Variants in THOC2 observed in about 807,000 individuals in gnomAD.
THOC2 encodes the protein THO complex subunit 2.
In THOC2, 10 loss-of-function variants were observed where a neutral mutation model predicts 128.4. That is an observed-to-expected ratio of 0.08 (90% CI 0.05 to 0.13). The LOEUF is 0.13. Ranked by LOEUF, THOC2 falls within the 10% of genes least tolerant of loss-of-function variation. The pLI is 1.00. For synonymous variants in THOC2, 393 were observed against 396.9 expected (o/e 0.99, Z 0.12); for missense variants, 535 against 1,155.7 (o/e 0.46, Z 7.79).
Position 123,690,989 on chromosome X carries a change from A to G in THOC2, c.602-4275T>C, listed in dbSNP as rs192392065. The stretch of plus-strand genomic sequence containing the variant: ...CAATTTAGGAGGCCAAGGCAGGTAG[A>G]TAGCTTGAGCTCAGGAGTTCGAGAC... On this transcript the variant is annotated intron_variant, in intron 7 of 38. Transcript: ENST00000245838. 4.2e-3 allele frequency among the ~76,000 whole-genome samples: 477 copies of G among 112,247 alleles called. 2 individuals carry two copies. Among genetic ancestry groups the G allele is most frequent in the African/African-American group, 0.015 (452 of 30,914 alleles).
At chrX:123,714,818 A>G (rs1255606123) in intron 1 of THOC2, among the ~76,000 whole-genome samples, 1 of 111,703 alleles carries the variant, frequency 9.0e-6, no homozygotes, top group African/African-American at 3.3e-5. Context: ...ATAAAACTAG[A>G]TATCAATACC....
intron 33 of THOC2, among the ~76,000 whole-genome samples, chrX:123,618,787 A>G (rs1162501585): frequency 1.8e-5 from 2 of 112,025 alleles, no homozygotes; most frequent in Admixed American, 9.5e-5. Flanking sequence ...TACTCAAGAA[A>G]GTAGAATAAT....
At chrX:123,670,276 A>C (rs2049219622) in intron 9 of THOC2, among the ~76,000 whole-genome samples, 1 of 111,787 alleles carries the variant, frequency 8.9e-6, no homozygotes, top group African/African-American at 3.3e-5. Flanking sequence ...GGCTCCAACC[A>C]CTCTGAGCTT....
chrX:123,716,590 G>A lies in THOC2; in HGVS notation c.72-3682C>T, dbSNP rs983144854. On this transcript the variant is annotated intron_variant, in intron 1 of 38. Coordinates refer to ENST00000245838, the MANE Select transcript of THOC2 (RefSeq NM_001081550.2). ...AATACAAAAACAAAATTAGCCAGGT[G>A]TGGTGGCAGGCGCGTGTAGACCCAG... Among the ~76,000 whole-genome samples, 5 of 110,153 alleles carry A rather than the reference G, an allele frequency of 4.5e-5. No homozygotes were observed. The South Asian group carries it at 1.6e-3, about 36-fold the overall frequency.
intron 7 of THOC2, among the ~76,000 whole-genome samples, chrX:123,689,841 T>C (rs1419665133): frequency 6.3e-5 from 7 of 111,678 alleles, no homozygotes; most frequent in Non-Finnish European, 1.1e-4. Flanking sequence ...GCAGCTGTAG[T>C]AGAACATAAG....
chrX:123,685,174 A>G (rs188599596), intron 8 of THOC2, among the ~76,000 whole-genome samples: 2 of 112,676 alleles, frequency 1.8e-5, no homozygotes, highest in East Asian at 5.5e-4. Flanking sequence ...CAATAAATTA[A>G]TCCATAGGAA....
intron 8 of THOC2, among the ~76,000 whole-genome samples, chrX:123,673,295 C>T (rs748588248): frequency 2.7e-5 from 3 of 112,012 alleles, no homozygotes; most frequent in East Asian, 5.6e-4. Context: ...GCCAAGATCA[C>T]GCCACTGCAC....
intron 21 of THOC2, 81 bp from the exon 22 acceptor site, chrX:123,631,933 G>A: frequency 4.3e-6 from 4 of 934,673 alleles, no homozygotes; most frequent in Non-Finnish European, 5.9e-6. Context: ...TAACAATTAA[G>A]AATCCAAATT....
rs148390326 is a variant in THOC2 at position 123,687,787 on chromosome X, A to C, written c.602-1073T>G. On this transcript the variant is annotated intron_variant, in intron 7 of 38. Transcript: ENST00000245838. ...CCCTCTTTTTATGAGATCCAAACTTAAGAACACATTTTCTTCCGCTTCTCA... is the reference window on the plus strand; with the variant it reads ...CCCTCTTTTTATGAGATCCAAACTTCAGAACACATTTTCTTCCGCTTCTCA... 5.4e-3 allele frequency among the ~76,000 whole-genome samples: 610 copies of C among 112,147 alleles called. 5 individuals are homozygous for C. The highest frequency in any genetic ancestry group is 0.023 in the Middle Eastern group (5 of 216).
At position 123,669,323 on chromosome X, in the gene THOC2, C is replaced by CT. The variant is rs771033880; in HGVS notation, c.862-1010dup. On this transcript the variant is annotated intron_variant, in intron 9 of 38. Coordinates refer to ENST00000245838, the MANE Select transcript of THOC2 (RefSeq NM_001081550.2). ...ACAGGTCCTCTTGTTTTATTTTTTACTTTTTTTTTTTTTTTGAGACAGTTT... is the reference window on the plus strand; with the variant it reads ...ACAGGTCCTCTTGTTTTATTTTTTACTTTTTTTTTTTTTTTTGAGACAGTTT... Among the ~76,000 whole-genome samples the CT allele has an allele frequency of 6.2e-3, 613 of 98,752 alleles. 5 individuals are homozygous for CT. Among genetic ancestry groups the CT allele is most frequent in the African/African-American group, 0.017 (469 of 27,452 alleles). 85.8% of individuals were successfully genotyped at this position (98,752 alleles called of 115,157 possible). A position where few individuals can be genotyped will look rare whatever the true frequency, so the allele number is the denominator to read the frequency against.
chrX:123,619,036 G>A (rs779005425), intron 33 of THOC2, among the ~76,000 whole-genome samples: 1 of 111,792 alleles, frequency 8.9e-6, no homozygotes, highest in Non-Finnish European at 1.9e-5. Context: ...CAGACAGCCT[G>A]GCAGATTTGT....
At chrX:123,714,329 A>G (rs1443660719) in intron 1 of THOC2, among the ~76,000 whole-genome samples, 1 of 112,466 alleles carries the variant, frequency 8.9e-6, no homozygotes, top group Non-Finnish European at 1.9e-5. Context: ...GGACACAGAT[A>G]GGCTGAAAGT....
chrX:123,621,023 TA>T (rs201272729), intron 31 of THOC2, 58 bp from the exon 32 acceptor site: 19 of 1,171,305 alleles, frequency 1.6e-5, no homozygotes, highest in Admixed American at 7.0e-5. Context: ...TCCAAACACT[TA>T]AAAAAAAACA....
intron 2 of THOC2, among the ~76,000 whole-genome samples, chrX:123,711,207 T>G (rs775819262): frequency 5.1e-4 from 53 of 103,688 alleles, no homozygotes; most frequent in South Asian, 1.8e-3. Flanking sequence ...TTTTGTTTTT[T>G]TTTTGGTAGA....
intron 8 of THOC2, among the ~76,000 whole-genome samples, chrX:123,681,516 C>A (rs1416058258): frequency 9.0e-6 from 1 of 111,618 alleles, no homozygotes; most frequent in Non-Finnish European, 1.9e-5. Context: ...TTAGACCTAA[C>A]TCCAAGTATA....
chrX:123,605,247 T>C (rs1159899000), intron 38 of THOC2, among the ~76,000 whole-genome samples: 1 of 111,612 alleles, frequency 9.0e-6, no homozygotes, highest in East Asian at 2.8e-4. Context: ...CTTTTATAAG[T>C]GCTCATGCCC....
At chrX:123,705,010 G>A (rs1188200047) in intron 3 of THOC2, among the ~76,000 whole-genome samples, 1 of 112,160 alleles carries the variant, frequency 8.9e-6, no homozygotes, top group East Asian at 2.8e-4. Context: ...ACTTACTGCA[G>A]TTAACAGTTG....
At chrX:123,651,728 C>T (rs779493136) in intron 12 of THOC2, among the ~76,000 whole-genome samples, 10 of 106,025 alleles carry the variant, frequency 9.4e-5, no homozygotes, top group African/African-American at 3.1e-4. Context: ...CACATACGCC[C>T]CCCCCCCAAG....
intron 7 of THOC2, among the ~76,000 whole-genome samples, chrX:123,687,536 C>T (rs1416823052): frequency 1.8e-5 from 2 of 112,179 alleles, no homozygotes; most frequent in Non-Finnish European, 3.8e-5. Flanking sequence ...ACATATGTTA[C>T]ATCTAAACAC....
Sources: allele counts gnomAD v4.1 joint callset (sites outside exome capture counted in the v4.1 genomes callset), GRCh38; gene constraint gnomAD v4.1.1; transcripts MANE v1.5; gene names NCBI Gene and HGNC (gene_info 2026-07-23, HGNC 2026-07-21).